Variants in CCDC170 observed in about 807,000 individuals in gnomAD.
The protein encoded by CCDC170 is coiled-coil domain-containing protein 170.
Under a neutral mutation model 72.6 loss-of-function variants are expected in CCDC170, and 69 were observed. That is an observed-to-expected ratio of 0.95 (90% CI 0.78 to 1.16). The LOEUF is 1.16. Ranked by LOEUF, CCDC170 falls within the 50% of genes most tolerant of loss-of-function variation. The pLI is 0.00. For synonymous variants in CCDC170, 300 were observed against 303.9 expected, an observed-to-expected ratio of 0.99 and a Z score of 0.13; for missense variants, 852 against 832.5, an observed-to-expected ratio of 1.02 and a Z score of -0.29.
At chr6:151,495,546 G>T (rs1781896742) in intron 1 of CCDC170, among the ~76,000 whole-genome samples, 1 of 150,736 alleles carries the variant, frequency 6.6e-6, no homozygotes, top group East Asian at 1.9e-4. Context: ...ACCCAGGCTC[G>T]AGTGCAGTGG....
intron 1 of CCDC170, among the ~76,000 whole-genome samples, chr6:151,526,123 C>T (rs1782405733): frequency 1.3e-5 from 2 of 150,672 alleles, no homozygotes; most frequent in African/African-American, 2.5e-5. Context: ...TTCCTTTCTT[C>T]CTTCCTTCCT....
intron 1 of CCDC170, among the ~76,000 whole-genome samples, chr6:151,495,779 C>A (rs1781900662): frequency 6.6e-6 from 1 of 152,200 alleles, no homozygotes; most frequent in Non-Finnish European, 1.5e-5. Context: ...TACAGAGATG[C>A]ACTACCATGC....
intron 6 of CCDC170, among the ~76,000 whole-genome samples, chr6:151,585,126 A>G (rs1776434338): frequency 6.6e-6 from 1 of 152,154 alleles, no homozygotes; most frequent in East Asian, 1.9e-4. Flanking sequence ...CTCTTGGTTT[A>G]AGGGAATGAT....
At chr6:151,563,037 A>T (rs1351686086) in intron 5 of CCDC170, among the ~76,000 whole-genome samples, 3 of 152,160 alleles carry the variant, frequency 2.0e-5, no homozygotes, top group Non-Finnish European at 4.4e-5. Flanking sequence ...TCTGATGACT[A>T]CCACCAAAAT....
intron 9 of CCDC170, among the ~76,000 whole-genome samples, chr6:151,599,451 A>G (rs1776671805): frequency 6.6e-6 from 1 of 152,198 alleles, no homozygotes; most frequent in South Asian, 2.1e-4. Flanking sequence ...AGTCAATGCA[A>G]TAATAGGTGA....
Position 151,615,468 on chromosome 6 carries a change from C to T in CCDC170, c.1736C>T (p.Ala579Val). The T allele has an allele frequency of 1.9e-6, 3 of 1,613,656 alleles. No individual in the cohort carries two copies. Among genetic ancestry groups the T allele is most frequent in the South Asian group, 1.1e-5 (1 of 91,064 alleles). Residue 579 changes from alanine to valine, a missense_variant, in exon 10 of 11, where the codon GCC becomes GTC. Coordinates refer to ENST00000239374, the MANE Select transcript of CCDC170 (RefSeq NM_025059.4). ...LKIKTLEQTK[A>V]IEDLNKSRDQ... ...ATTAAAACTTTGGAACAGACTAAAGCCATTGAAGATCTAAACAAATCCAGA... is the reference window on the plus strand; with the variant it reads ...ATTAAAACTTTGGAACAGACTAAAGTCATTGAAGATCTAAACAAATCCAGA...
At position 151,582,830 on chromosome 6, in the gene CCDC170, T is replaced by A. The variant is rs868514259; in HGVS notation, c.1093-3059T>A. On this transcript the variant is annotated intron_variant, in intron 6 of 10. Transcript: ENST00000239374. ...AACTAAGAGTGAGCAGTCACTCAAT[T>A]CTGCAAGAATGACACCAAGTCATTC... is the stretch of plus-strand genomic sequence containing the variant. Among the ~76,000 whole-genome samples, 3 of 152,074 alleles carry A rather than the reference T, an allele frequency of 2.0e-5. No individual in the cohort carries two copies. In the South Asian group the frequency reaches 6.2e-4, roughly 32 times the overall value.
At chr6:151,595,089 A>C (rs900056341) in intron 8 of CCDC170, among the ~76,000 whole-genome samples, 3 of 152,220 alleles carry the variant, frequency 2.0e-5, no homozygotes, top group Admixed American at 6.5e-5. Flanking sequence ...CATTTCAGTA[A>C]GTCTTTCCAC....
intron 3 of CCDC170, among the ~76,000 whole-genome samples, chr6:151,541,687 A>G (rs1782692993): frequency 6.6e-6 from 1 of 151,638 alleles, no homozygotes; most frequent in African/African-American, 2.4e-5. Context: ...ATTAATAATT[A>G]CTTAAAACCT....
chr6:151,541,147 C>T (rs1015487045), intron 3 of CCDC170, among the ~76,000 whole-genome samples: 1 of 152,124 alleles, frequency 6.6e-6, no homozygotes, highest in Non-Finnish European at 1.5e-5. Context: ...GCTCTTCCCC[C>T]AGATATCACA....
chr6:151,532,696 T>C (rs1357505543), intron 1 of CCDC170, among the ~76,000 whole-genome samples: 2 of 152,090 alleles, frequency 1.3e-5, no homozygotes, highest in African/African-American at 4.8e-5. Flanking sequence ...TTAAAACATA[T>C]AAATTCTCTA....
At position 151,540,373 on chromosome 6, in the gene CCDC170, C is replaced by CTTTTTTTTTTTTTTTTTTTTTTTT; in HGVS notation, c.443+2078_443+2101dup. Among the ~76,000 whole-genome samples the CTTTTTTTTTTTTTTTTTTTTTTTT allele has an allele frequency of 1.1e-4, 4 of 37,952 alleles. 1 individual carries two copies. The highest frequency in any genetic ancestry group is 2.0e-4 in the Non-Finnish European group (4 of 20,508). The allele number at this position is 37,952 out of a possible 152,430, so 24.9% of individuals were successfully genotyped here. A position where few individuals can be genotyped will look rare whatever the true frequency, so the allele number is the denominator to read the frequency against. ...CCTCCTCCTCCTTCTTCTGCTGCTG[C>CTTTTTTTTTTTTTTTTTTTTTTTT]TTTTTTTTTTTTTTTTTTTTTTTTT... On this transcript the variant is annotated intron_variant, in intron 3 of 10. Transcript: ENST00000239374.
chr6:151,575,914 G>A lies in CCDC170; in HGVS notation c.1092+2423G>A, dbSNP rs186236113. Among the ~76,000 whole-genome samples the A allele has an allele frequency of 2.0e-3, 300 of 152,188 alleles. 1 individual carries two copies. Among genetic ancestry groups the A allele is most frequent in the Non-Finnish European group, 3.4e-3 (234 of 67,988 alleles). On this transcript the variant is annotated intron_variant, in intron 6 of 10. Coordinates refer to ENST00000239374, the MANE Select transcript of CCDC170 (RefSeq NM_025059.4). Reference sequence around the variant, plus strand: ...CACTCTAATGTGTAGAGGTCTCTGCGAGTAACTTAGTTTTTCTTGTGACTC... The same window carrying A: ...CACTCTAATGTGTAGAGGTCTCTGCAAGTAACTTAGTTTTTCTTGTGACTC...
chr6:151,577,670 T>C (rs894221191), intron 6 of CCDC170, among the ~76,000 whole-genome samples: 1 of 152,186 alleles, frequency 6.6e-6, no homozygotes, highest in African/African-American at 2.4e-5. Context: ...TCCAACCCTC[T>C]GGCTGCGCAC....
chr6:151,566,986 T>A (rs930285988), intron 5 of CCDC170, among the ~76,000 whole-genome samples: 2 of 152,172 alleles, frequency 1.3e-5, no homozygotes, highest in African/African-American at 4.8e-5. Flanking sequence ...AATGGTGCGA[T>A]CTCAGCTCAC....
chr6:151,533,681 AAAATC>A (rs1382374845), intron 1 of CCDC170, among the ~76,000 whole-genome samples: 1 of 152,034 alleles, frequency 6.6e-6, no homozygotes, highest in East Asian at 2.0e-4. Flanking sequence ...AAAAAAAAAA[AAAATC>A]ATCACTTCTT....
chr6:151,615,820 G>C (rs1270671488), intron 10 of CCDC170, 141 bp downstream of exon 10: 1 of 677,228 alleles, frequency 1.5e-6, no homozygotes, highest in African/African-American at 1.8e-5. Flanking sequence ...TTTTACGAGG[G>C]CCGTGCTAAT....
intron 4 of CCDC170, among the ~76,000 whole-genome samples, chr6:151,545,275 C>T (rs1782753712): frequency 1.3e-5 from 2 of 152,024 alleles, no homozygotes; most frequent in African/African-American, 4.8e-5. Flanking sequence ...AAAAATTAGC[C>T]AGGCGTGGTG....
intron 9 of CCDC170, among the ~76,000 whole-genome samples, chr6:151,610,366 A>C (rs1776851138): frequency 6.6e-6 from 1 of 152,204 alleles, no homozygotes; most frequent in Non-Finnish European, 1.5e-5. Flanking sequence ...TTGTTTTGAA[A>C]AATGTCTAAG....
Sources: gnomAD v4.1 joint callset for allele counts (sites outside exome capture counted in the v4.1 genomes callset) on GRCh38, gnomAD v4.1.1 for gene constraint, MANE v1.5 for transcripts, NCBI Gene and HGNC (gene_info 2026-07-23, HGNC 2026-07-21) for gene names.